The following SDK1 variants were observed in gnomAD, a reference collection of about 807,000 sequenced individuals.
SDK1 encodes protein sidekick-1.
A neutral mutation model predicts 245.5 loss-of-function variants in SDK1; 157 were observed. That is an observed-to-expected ratio of 0.64 (90% CI 0.56 to 0.73). SDK1 has a LOEUF of 0.73. Among genes scored for constraint, SDK1 ranks in the 30% least tolerant of loss-of-function variants. The pLI is 0.00. For synonymous variants in SDK1, 1,647 were observed against 1,278.5 expected (o/e 1.29, Z -6.15); for missense variants, 3,583 against 3,002.3 (o/e 1.19, Z -4.52).
intron 1 of SDK1, among the ~76,000 whole-genome samples, chr7:3,515,748 G>T (rs560311981): frequency 6.6e-6 from 1 of 152,076 alleles, no homozygotes; most frequent in Non-Finnish European, 1.5e-5. Context: ...TTTTCAACTC[G>T]ATTTTACTGC....
In SDK1 at chr7:3,773,922, T is replaced by C. The variant is rs527884524; in HGVS notation, c.714-47528T>C. 2.5e-4 allele frequency among the ~76,000 whole-genome samples: 38 copies of C among 152,296 alleles called. 2 individuals are homozygous for C. In the South Asian group the frequency reaches 7.5e-3, roughly 30 times the overall value. ...AGAGAAAAATTAGGGGATAAAAGAATACTGGCCTTTGGCCAGGCACGGTGG... is the reference window on the plus strand; with the variant it reads ...AGAGAAAAATTAGGGGATAAAAGAACACTGGCCTTTGGCCAGGCACGGTGG... On this transcript the variant is annotated intron_variant, in intron 4 of 44. Coordinates refer to ENST00000404826, the MANE Select transcript of SDK1 (RefSeq NM_152744.4).
intron 4 of SDK1, among the ~76,000 whole-genome samples, chr7:3,782,298 G>C (rs1172458186): frequency 6.6e-6 from 1 of 152,170 alleles, no homozygotes; most frequent in Non-Finnish European, 1.5e-5. Flanking sequence ...CTAACAACCA[G>C]ATCTTGTGTG....
At chr7:4,071,921 G>A (rs1370892569) in intron 20 of SDK1, among the ~76,000 whole-genome samples, 1 of 152,178 alleles carries the variant, frequency 6.6e-6, no homozygotes, top group Admixed American at 6.5e-5. Context: ...CCTTTTTACA[G>A]ATACACACGT....
chr7:4,217,446 A>G (rs1178437093), intron 38 of SDK1, among the ~76,000 whole-genome samples: 79 of 83,490 alleles, frequency 9.5e-4, no homozygotes, highest in South Asian at 1.5e-3. Flanking sequence ...GGAGAACCAC[A>G]CCACCCGGAG....
intron 1 of SDK1, among the ~76,000 whole-genome samples, chr7:3,561,658 T>G (rs1250284686): frequency 6.6e-6 from 1 of 152,190 alleles, no homozygotes. Context: ...TCTGATGACT[T>G]ATTTTCTCCT....
At position 3,727,234 on chromosome 7, in the gene SDK1, T is replaced by C. The variant is rs751035515; in HGVS notation, c.713+85129T>C. Among the ~76,000 whole-genome samples, 9 of 152,372 alleles carry C rather than the reference T, an allele frequency of 5.9e-5. No homozygotes were observed. The East Asian group carries it at 1.5e-3, about 26-fold the overall frequency. Reference sequence around the variant, plus strand: ...GGCAGATAGAGAAGCATGTTACTTTTAGTTTAAAAAACAACCTTGTTGCCA... The same window carrying C: ...GGCAGATAGAGAAGCATGTTACTTTCAGTTTAAAAAACAACCTTGTTGCCA... On this transcript the variant is annotated intron_variant, in intron 4 of 44. Coordinates refer to ENST00000404826, the MANE Select transcript of SDK1 (RefSeq NM_152744.4).
chr7:3,772,534 T>C (rs1283793958), intron 4 of SDK1, among the ~76,000 whole-genome samples: 1 of 152,232 alleles, frequency 6.6e-6, no homozygotes, highest in Non-Finnish European at 1.5e-5. Flanking sequence ...ACAATGATAC[T>C]AGCTTTTAGA....
At chr7:3,380,040 C>T (rs184092313) in intron 1 of SDK1, among the ~76,000 whole-genome samples, 23 of 152,226 alleles carry the variant, frequency 1.5e-4, no homozygotes, top group Admixed American at 3.9e-4. Context: ...ATACCAAAAA[C>T]GTTGTCTGTG....
intron 44 of SDK1, among the ~76,000 whole-genome samples, chr7:4,252,788 G>A (rs1009800494): frequency 2.0e-5 from 3 of 149,086 alleles, no homozygotes; most frequent in African/African-American, 7.4e-5. Context: ...TTAATTACTA[G>A]TTCTATCTGT....
chr7:3,446,964 A>T (rs955632736), intron 1 of SDK1, among the ~76,000 whole-genome samples: 1 of 152,222 alleles, frequency 6.6e-6, no homozygotes, highest in Non-Finnish European at 1.5e-5. Flanking sequence ...AAAAATACAG[A>T]TGAGTTCTCT....
intron 1 of SDK1, among the ~76,000 whole-genome samples, chr7:3,503,767 C>G (rs1045042831): frequency 1.3e-5 from 2 of 151,938 alleles, no homozygotes; most frequent in Admixed American, 1.3e-4. Flanking sequence ...GACTAGTACA[C>G]TGAAAATTTT....
intron 4 of SDK1, among the ~76,000 whole-genome samples, chr7:3,816,333 A>G (rs953195277): frequency 1.1e-4 from 16 of 150,852 alleles, no homozygotes; most frequent in Non-Finnish European, 2.1e-4. Flanking sequence ...GATCAACAAA[A>G]TTGATAGACC....
At chr7:3,494,710 A>G (rs1466757154) in intron 1 of SDK1, among the ~76,000 whole-genome samples, 1 of 152,218 alleles carries the variant, frequency 6.6e-6, no homozygotes, top group African/African-American at 2.4e-5. Context: ...GAAAACACTG[A>G]AGTGGTTCCA....
At chr7:4,243,788 T>A (rs982958815) in intron 43 of SDK1, among the ~76,000 whole-genome samples, 10 of 151,878 alleles carry the variant, frequency 6.6e-5, no homozygotes, top group Admixed American at 6.6e-4. Flanking sequence ...ACCCCACATG[T>A]GATTGAAGGA....
At chr7:4,193,113 T>C (rs1210209408) in intron 35 of SDK1, among the ~76,000 whole-genome samples, 1 of 134,474 alleles carries the variant, frequency 7.4e-6, no homozygotes, top group African/African-American at 2.8e-5. Flanking sequence ...ATAAATATAT[T>C]AAAATATATA....
rs1265354026 is a variant in SDK1, at chr7:3,627,990, C to T, written c.458+8751C>T. On this transcript the variant is annotated intron_variant, in intron 2 of 44. Coordinates refer to ENST00000404826, the MANE Select transcript of SDK1 (RefSeq NM_152744.4). ...ATATCCATTCTCAAGCCATTTCTTT[C>T]TCAAATCTCTCCCTATTCAAAGTTA... is the stretch of plus-strand genomic sequence containing the variant. 2.0e-5 allele frequency among the ~76,000 whole-genome samples: 3 copies of T among 152,298 alleles called. No individual in the cohort carries two copies. In the East Asian group the frequency reaches 5.8e-4, roughly 29 times the overall value.
At chr7:3,623,018 A>G (rs1017391631) in intron 2 of SDK1, among the ~76,000 whole-genome samples, 1 of 151,988 alleles carries the variant, frequency 6.6e-6, no homozygotes, top group African/African-American at 2.4e-5. Flanking sequence ...CCTTCATGAG[A>G]CCTTTGTAAG....
intron 1 of SDK1, among the ~76,000 whole-genome samples, chr7:3,441,327 C>T (rs143878236): frequency 6.6e-6 from 1 of 152,120 alleles, no homozygotes; most frequent in African/African-American, 2.4e-5. Context: ...TTGAATGTAT[C>T]TCTTGCAGAT....
chr7:4,097,549 A>G (rs1208974745), intron 22 of SDK1, among the ~76,000 whole-genome samples: 5 of 152,226 alleles, frequency 3.3e-5, no homozygotes, highest in African/African-American at 9.6e-5. Context: ...CCAAGGCCCA[A>G]TAAAGTTTCC....
Sources: allele counts gnomAD v4.1 joint callset (sites outside exome capture counted in the v4.1 genomes callset), GRCh38; gene constraint gnomAD v4.1.1; transcripts MANE v1.5; gene names NCBI Gene and HGNC (gene_info 2026-07-23, HGNC 2026-07-21).